The following DNMBP variants were observed in gnomAD, a reference collection of about 807,000 sequenced individuals.
DNMBP encodes dynamin-binding protein.
DNMBP carries 87 observed loss-of-function variants against 150.0 expected under a neutral mutation model. The ratio of observed to expected loss-of-function variants is 0.58; its 90% CI spans 0.49 to 0.69. DNMBP has a LOEUF of 0.69. Ranked by LOEUF, DNMBP falls within the 30% of genes least tolerant of loss-of-function variation. The probability of loss-of-function intolerance (pLI) is 0.00; values close to 1 mark genes in which losing one functional copy is unlikely to be tolerated. For missense variants in DNMBP, 1,774 were observed against 1,949.0 expected (o/e 0.91, Z 1.69); for synonymous variants, 711 against 750.4 (o/e 0.95, Z 0.86).
intron 11 of DNMBP, among the ~76,000 whole-genome samples, chr10:99,891,931 C>CA (rs2039573538): frequency 6.8e-6 from 1 of 147,256 alleles, no homozygotes; most frequent in African/African-American, 2.5e-5. Flanking sequence ...GGGTCAGCCC[C>CA]CTGCCCGGCC....
At chr10:100,006,205 C>T (rs2041069753) in intron 1 of DNMBP, among the ~76,000 whole-genome samples, 1 of 152,160 alleles carries the variant, frequency 6.6e-6, no homozygotes, top group Non-Finnish European at 1.5e-5. Flanking sequence ...GTTCTCATGA[C>T]CTGACAATCT....
chr10:99,880,425 C>T, intron 15 of DNMBP, 64 bp from the exon 16 acceptor site: 1 of 1,446,936 alleles, frequency 6.9e-7, no homozygotes, highest in Non-Finnish European at 9.0e-7. Flanking sequence ...ACAGAGGGAG[C>T]ATTGAGAGAA....
chr10:99,882,506 C>A (rs1248757425), intron 15 of DNMBP, among the ~76,000 whole-genome samples: 1 of 152,124 alleles, frequency 6.6e-6, no homozygotes, highest in Non-Finnish European at 1.5e-5. Flanking sequence ...ATTGCTTGAG[C>A]CTGGGAGGTG....
In DNMBP at chr10:99,986,594, C is replaced by CAAAAAAAAAAAAAA. The variant is rs747726572; in HGVS notation, c.-10-14474_-10-14461dup. On this transcript the variant is annotated intron_variant, in intron 1 of 16. Coordinates refer to ENST00000324109, the MANE Select transcript of DNMBP (RefSeq NM_015221.4). ...TGGGAGACAGAGCAAGACTCCGTCT[C>CAAAAAAAAAAAAAA]AAAAAAAAAAAAAAAAAAAAAAAAA... Among the ~76,000 whole-genome samples the CAAAAAAAAAAAAAA allele has an allele frequency of 1.2e-3, 92 of 74,150 alleles. 7 individuals carry two copies. The highest frequency in any genetic ancestry group is 1.7e-3 in the South Asian group (3 of 1,778). 48.6% of individuals were successfully genotyped at this position (74,150 alleles called of 152,430 possible).
chr10:99,927,861 G>C (rs1052289892), intron 4 of DNMBP, among the ~76,000 whole-genome samples: 10 of 152,118 alleles, frequency 6.6e-5, no homozygotes, highest in Admixed American at 2.6e-4. Flanking sequence ...CTCCTGTTAA[G>C]TCAAACAGAA....
At position 99,986,594 on chromosome 10, in the gene DNMBP, C is replaced by CAAAAAAAAAAAA. The variant is rs747726572; in HGVS notation, c.-10-14472_-10-14461dup. Among the ~76,000 whole-genome samples, 103 of 74,140 alleles carry CAAAAAAAAAAAA rather than the reference C, an allele frequency of 1.4e-3. 13 individuals carry two copies. The highest frequency in any genetic ancestry group is 2.3e-3 in the African/African-American group (48 of 20,728). The allele number at this position is 74,140 out of a possible 152,430, so 48.6% of individuals were successfully genotyped here. Reference sequence around the variant, plus strand: ...TGGGAGACAGAGCAAGACTCCGTCTCAAAAAAAAAAAAAAAAAAAAAAAAA... The same window carrying CAAAAAAAAAAAA: ...TGGGAGACAGAGCAAGACTCCGTCTCAAAAAAAAAAAAAAAAAAAAAAAAAAAAAAAAAAAAA... On this transcript the variant is annotated intron_variant, in intron 1 of 16. Coordinates refer to ENST00000324109, the MANE Select transcript of DNMBP (RefSeq NM_015221.4).
chr10:99,966,002 T>C (rs1281973350), intron 3 of DNMBP, among the ~76,000 whole-genome samples: 1 of 152,262 alleles, frequency 6.6e-6, no homozygotes, highest in East Asian at 1.9e-4. Context: ...TTTCATTTTT[T>C]AGTGATTTTG....
At chr10:100,006,059 C>T (rs569738764) in intron 1 of DNMBP, among the ~76,000 whole-genome samples, 55 of 152,290 alleles carry the variant, frequency 3.6e-4, no homozygotes, top group African/African-American at 1.2e-3. Context: ...ATTTTCCAAA[C>T]AACAAAAGCT....
chr10:99,908,854 C>G, intron 5 of DNMBP, 99 bp downstream of exon 5: 1 of 1,147,886 alleles, frequency 8.7e-7, no homozygotes, highest in Non-Finnish European at 1.2e-6. Context: ...GTTTCTATTT[C>G]AAATCCAATA....
chr10:100,009,757 C>G (rs1176717041), intron 1 of DNMBP, 81 bp downstream of exon 1: 1 of 150,150 alleles, frequency 6.7e-6, no homozygotes, highest in Non-Finnish European at 1.5e-5. Context: ...GGGTGCGGGT[C>G]CCCTCCGCCC....
chr10:99,942,374 T>C (rs2040310140), intron 4 of DNMBP, among the ~76,000 whole-genome samples: 1 of 152,190 alleles, frequency 6.6e-6, no homozygotes, highest in South Asian at 2.1e-4. Flanking sequence ...TGGAATACAG[T>C]GGGAGCTCAA....
intron 6 of DNMBP, among the ~76,000 whole-genome samples, chr10:99,901,990 C>T (rs1194707526): frequency 1.3e-5 from 2 of 151,948 alleles, no homozygotes; most frequent in African/African-American, 2.4e-5. Context: ...GCACCCGCCA[C>T]CTCCTGGGCT....
chr10:99,882,793 C>T (rs983358402), intron 15 of DNMBP, among the ~76,000 whole-genome samples: 1 of 152,054 alleles, frequency 6.6e-6, no homozygotes, highest in Non-Finnish European at 1.5e-5. Flanking sequence ...GGCCAGGTGC[C>T]GTGGCTCATG....
intron 4 of DNMBP, among the ~76,000 whole-genome samples, chr10:99,917,869 T>G (rs2039981115): frequency 2.0e-5 from 3 of 149,288 alleles, no homozygotes. Context: ...CTCAGGAGGC[T>G]GAGGCAGGAG....
Position 99,876,366 on chromosome 10 carries a change from G to C in DNMBP, c.*785C>G, listed in dbSNP as rs2039272942. The C allele has an allele frequency of 6.7e-6, 1 of 149,808 alleles. No homozygotes were observed. Among genetic ancestry groups the C allele is most frequent in the Non-Finnish European group, 1.5e-5 (1 of 67,684 alleles). The allele number at this position is 149,808 out of a possible 1,614,324, so 9.3% of individuals were successfully genotyped here. On this transcript the variant is annotated 3_prime_UTR_variant, in exon 17 of 17. Transcript: ENST00000324109. ...GCTTGAGCCCAGGCGTTTAAGACCA[G>C]CCTGGGCAACATAGCAAGACCCCAT... is the stretch of plus-strand genomic sequence containing the variant.
chr10:99,942,664 C>T (rs1166942843), intron 4 of DNMBP, among the ~76,000 whole-genome samples: 1 of 152,230 alleles, frequency 6.6e-6, no homozygotes, highest in East Asian at 1.9e-4. Flanking sequence ...ATCCTACAAA[C>T]TGCTAAGAAC....
At chr10:99,935,631 C>A (rs1385084517) in intron 4 of DNMBP, among the ~76,000 whole-genome samples, 1 of 152,126 alleles carries the variant, frequency 6.6e-6, no homozygotes, top group Non-Finnish European at 1.5e-5. Flanking sequence ...ATGGTGCAAC[C>A]TCAGCTCACT....
intron 1 of DNMBP, among the ~76,000 whole-genome samples, chr10:100,005,054 A>C (rs1490620754): frequency 3.9e-5 from 6 of 152,204 alleles, no homozygotes; most frequent in African/African-American, 1.2e-4. Context: ...AAACGACAAG[A>C]TATCACTTTG....
chr10:99,952,485 G>A (rs2040435866), intron 4 of DNMBP, among the ~76,000 whole-genome samples: 1 of 152,084 alleles, frequency 6.6e-6, no homozygotes, highest in Non-Finnish European at 1.5e-5. Context: ...ACCTTTTTGA[G>A]GACTTGTCTA....
Sources: allele counts gnomAD v4.1 joint callset (sites outside exome capture counted in the v4.1 genomes callset), GRCh38; gene constraint gnomAD v4.1.1; transcripts MANE v1.5; gene names NCBI Gene and HGNC (gene_info 2026-07-23, HGNC 2026-07-21).